SLC22A25: variants seen among roughly 807,000 people sequenced by gnomAD.
The protein encoded by SLC22A25 is MGI:2442751, MGI:2385316, MGI:3042283, MGI:3645714, MGI:3605624, MGI:2442750.
Under a neutral mutation model 45.9 loss-of-function variants are expected in SLC22A25, and 44 were observed. The observed-to-expected ratio is 0.96, with a 90% confidence interval of 0.75 to 1.23. SLC22A25 has a LOEUF of 1.23. Among genes scored for constraint, SLC22A25 ranks in the 50% most tolerant of loss-of-function variants. The pLI is 0.00. For missense variants in SLC22A25, 800 were observed against 666.4 expected (o/e 1.20, Z -2.21); for synonymous variants, 283 against 238.6 (o/e 1.19, Z -1.72).
chr11:63,242,380 A>AT (rs1451538195), intron 1 of SLC22A25, among the ~76,000 whole-genome samples: 5 of 152,184 alleles, frequency 3.3e-5, no homozygotes, highest in Non-Finnish European at 5.9e-5. Flanking sequence ...GGCACTCGAT[A>AT]TTTGCCCAGC....
rs764777618 is a variant in SLC22A25 at position 63,217,744 on chromosome 11, CAG to C, written c.507-11_507-10del. 2.9e-5 allele frequency: 46 copies of C among 1,598,272 alleles called. No homozygotes were observed. The East Asian group carries it at 6.0e-4, about 21-fold the overall frequency. ...CGAACTTTCTCCCAAACCTGAGAAA[CAG>C]GGGCACATTAGATAATGGGAACAAT... On this transcript the variant is annotated splice_polypyrimidine_tract_variant and intron_variant, in intron 5 of 11. Coordinates refer to ENST00000306494, the MANE Select transcript of SLC22A25 (RefSeq NM_199352.6).
At chr11:63,192,254 G>A (rs778418148) in intron 7 of SLC22A25, among the ~76,000 whole-genome samples, 1 of 152,080 alleles carries the variant, frequency 6.6e-6, no homozygotes, top group African/African-American at 2.4e-5. Flanking sequence ...AGAAATGAAG[G>A]AGAAATAAGA....
intron 5 of SLC22A25, chr11:63,219,982 A>G: frequency 5.4e-6 from 7 of 1,289,316 alleles, no homozygotes; most frequent in Non-Finnish European, 7.1e-6. Flanking sequence ...GTCCCTCGTC[A>G]CAATCAGTGG....
At chr11:63,183,841 T>G (rs779280541) in intron 7 of SLC22A25, 24 bp from the exon 8 acceptor site, 34 of 1,611,896 alleles carry the variant, frequency 2.1e-5, no homozygotes, top group Non-Finnish European at 2.8e-5. Context: ...AGGACAGAGG[T>G]GCAGCCAACC....
At chr11:63,236,882 T>A (rs944729718) in intron 3 of SLC22A25, among the ~76,000 whole-genome samples, 3 of 152,198 alleles carry the variant, frequency 2.0e-5, no homozygotes, top group African/African-American at 7.2e-5. Context: ...TCTAACTATC[T>A]ACCGGTTCCC....
intron 7 of SLC22A25, among the ~76,000 whole-genome samples, chr11:63,191,628 C>G (rs1350054601): frequency 6.6e-6 from 1 of 152,162 alleles, no homozygotes; most frequent in East Asian, 1.9e-4. Flanking sequence ...CTCCTGTCTT[C>G]TGTGTTGCTC....
At chr11:63,232,724 G>A (rs1029222718) in intron 3 of SLC22A25, among the ~76,000 whole-genome samples, 11 of 152,144 alleles carry the variant, frequency 7.2e-5, no homozygotes, top group Non-Finnish European at 1.3e-4. Flanking sequence ...TTTTCAAAGG[G>A]TATGCTTCCA....
intron 9 of SLC22A25, among the ~76,000 whole-genome samples, chr11:63,180,306 A>G (rs551395712): frequency 5.3e-5 from 8 of 152,130 alleles, no homozygotes; most frequent in Non-Finnish European, 1.2e-4. Flanking sequence ...AATAACTGGT[A>G]ATATTCATTG....
chr11:63,190,529 G>A (rs2088766942), intron 7 of SLC22A25, among the ~76,000 whole-genome samples: 1 of 151,920 alleles, frequency 6.6e-6, no homozygotes, highest in Non-Finnish European at 1.5e-5. Context: ...ATCATCTGAA[G>A]CCTTCTTCTC....
At chr11:63,217,803 A>G (rs1403689201) in intron 5 of SLC22A25, 68 bp from the exon 6 acceptor site, 2 of 1,515,824 alleles carry the variant, frequency 1.3e-6, no homozygotes, top group Non-Finnish European at 1.8e-6. Flanking sequence ...GCAAAGGGAA[A>G]GCACACTTTG....
rs761767418 is a variant in SLC22A25, at chr11:63,164,620, G to T, written c.1300C>A (p.Arg434Ser). ...IFVPQEMQTL[R>S]VVLATLGVGA... ...ACACCCAGGGTTGCCAAAACCACAC[G>T]CAGGGTCTGCATTTCTGGAGAAAGG... Residue 434 changes from arginine (R) to serine (S), a missense_variant, in exon 11 of 12, where the codon CGT becomes AGT. By Grantham distance (110) the Arg-to-Ser change is moderately radical. Coordinates refer to ENST00000306494, the MANE Select transcript of SLC22A25 (RefSeq NM_199352.6). The T allele has an allele frequency of 5.6e-6, 9 of 1,613,472 alleles. No homozygotes were observed. The African/African-American group carries it at 8.0e-5, about 14-fold the overall frequency.
chr11:63,179,680 G>GA (rs544180301), intron 9 of SLC22A25, among the ~76,000 whole-genome samples: 117 of 152,152 alleles, frequency 7.7e-4, no homozygotes, highest in African/African-American at 2.6e-3. Context: ...GGTTGGGCTA[G>GA]AAAAAAACTA....
chr11:63,178,061 ATTT>A (rs1157798779), intron 9 of SLC22A25, among the ~76,000 whole-genome samples: 1 of 3,474 alleles, frequency 2.9e-4, no homozygotes, highest in South Asian at 0.5. Context: ...ATTTTTATTT[ATTT>A]TTTTTTTTGC....
intron 1 of SLC22A25, among the ~76,000 whole-genome samples, chr11:63,240,796 A>G (rs944231327): frequency 3.3e-5 from 5 of 152,210 alleles, no homozygotes; most frequent in African/African-American, 9.6e-5. Flanking sequence ...GAGCAGTAAC[A>G]TGCATGGGGT....
intron 7 of SLC22A25, among the ~76,000 whole-genome samples, chr11:63,189,796 A>G (rs1167056690): frequency 6.6e-6 from 1 of 152,104 alleles, no homozygotes; most frequent in Non-Finnish European, 1.5e-5. Context: ...TTTCTCCTTC[A>G]CTTATGAAGC....
intron 9 of SLC22A25, among the ~76,000 whole-genome samples, chr11:63,173,129 A>T (rs2087949562): frequency 6.6e-6 from 1 of 151,972 alleles, no homozygotes; most frequent in South Asian, 2.1e-4. Flanking sequence ...CAGTAAAGCA[A>T]ACAACACAGG....
chr11:63,163,887 G>A lies in SLC22A25; in HGVS notation c.1581C>T (p.Ile527=), dbSNP rs1056048729. 6.2e-7 allele frequency: 1 copy of A among 1,613,888 alleles called. No homozygotes were observed. The part of the protein sequence containing the change: ...ETRNQPLLDS[I]QDVENEGVNS... The stretch of plus-strand genomic sequence containing the variant: ...TTACTCCCTCATTTTCCACATCCTG[G>A]ATGCTGTCAAGAAGAGGCTGGTTCC... The change falls in exon 12 of 12, where the codon ATC becomes ATT. Residue 527 remains isoleucine (I), a synonymous_variant. Transcript: ENST00000306494.
Position 63,191,944 on chromosome 11 carries a change from C to A in SLC22A25, c.831-8127G>T, listed in dbSNP as rs547879177. On this transcript the variant is annotated intron_variant, in intron 7 of 11. Transcript: ENST00000306494. ...AAGTTTCCCAACTTAGCTAGAGAGG[C>A]AAACATTCAAATTCAGGAAATGCAG... Among the ~76,000 whole-genome samples, 5 of 151,744 alleles carry A rather than the reference C, an allele frequency of 3.3e-5. No individual in the cohort carries two copies. In the South Asian group the frequency reaches 6.2e-4, roughly 19 times the overall value.
At chr11:63,180,141 C>G (rs1280788143) in intron 9 of SLC22A25, among the ~76,000 whole-genome samples, 1 of 152,144 alleles carries the variant, frequency 6.6e-6, no homozygotes, top group Non-Finnish European at 1.5e-5. Flanking sequence ...TTGAAATTCT[C>G]ATAGAAGTAT....
Sources: gnomAD v4.1 joint callset for allele counts (sites outside exome capture counted in the v4.1 genomes callset) on GRCh38, gnomAD v4.1.1 for gene constraint, MANE v1.5 for transcripts, NCBI Gene and HGNC (gene_info 2026-07-23, HGNC 2026-07-21) for gene names.